Variants in PCCA observed in about 807,000 individuals in gnomAD.
PCCA encodes the protein propionyl-CoA carboxylase subunit alpha.
Under a neutral mutation model 101.3 loss-of-function variants are expected in PCCA, and 74 were observed. That is an observed-to-expected ratio of 0.73 (90% confidence interval 0.61 to 0.89). The LOEUF (loss-of-function observed/expected upper bound fraction) is 0.89, where lower values mean the gene tolerates loss of function less well. PCCA is among the 40% of genes least tolerant of loss of function. The probability of loss-of-function intolerance (pLI) is 0.00; values close to 1 mark genes in which losing one functional copy is unlikely to be tolerated. For synonymous variants in PCCA, 294 were observed against 313.6 expected, an observed-to-expected ratio of 0.94 and a Z score of 0.66; for missense variants, 891 against 907.0, an observed-to-expected ratio of 0.98 and a Z score of 0.23.
chr13:100,525,042 C>T lies in PCCA; in HGVS notation c.2041-2633C>T, dbSNP rs1456613033. The stretch of plus-strand genomic sequence containing the variant: ...ATAGATAGATAGACAGACAGACAGG[C>T]AGATAAGATAGATAGGATAGAGCTA... On this transcript the variant is annotated intron_variant, in intron 22 of 23. Coordinates refer to ENST00000376285, the MANE Select transcript of PCCA (RefSeq NM_000282.4). Among the ~76,000 whole-genome samples, 3 of 148,780 alleles carry T rather than the reference C, an allele frequency of 2.0e-5. No homozygotes were observed. In the East Asian group the frequency reaches 5.9e-4, roughly 29 times the overall value.
intron 6 of PCCA, among the ~76,000 whole-genome samples, chr13:100,200,141 G>A (rs956704834): frequency 6.6e-6 from 1 of 151,958 alleles, no homozygotes. Flanking sequence ...GTCTCACTCT[G>A]TCACCCAGGC....
intron 8 of PCCA, among the ~76,000 whole-genome samples, chr13:100,250,578 A>G (rs2061689923): frequency 6.6e-6 from 1 of 152,006 alleles, no homozygotes; most frequent in Admixed American, 6.6e-5. Context: ...TTATAATAGT[A>G]TTTGTAACAA....
At chr13:100,286,939 A>G (rs1047882081) in intron 12 of PCCA, among the ~76,000 whole-genome samples, 1 of 152,096 alleles carries the variant, frequency 6.6e-6, no homozygotes, top group African/African-American at 2.4e-5. Flanking sequence ...CAGGAGTGAC[A>G]TACTTAGGCT....
chr13:100,489,143 A>C (rs1302878648), intron 21 of PCCA, among the ~76,000 whole-genome samples: 1 of 141,558 alleles, frequency 7.1e-6, no homozygotes, highest in East Asian at 2.8e-4. Flanking sequence ...GTCTCTACTA[A>C]AAATACAAAA....
At chr13:100,139,526 A>G (rs2051605127) in intron 4 of PCCA, among the ~76,000 whole-genome samples, 1 of 151,326 alleles carries the variant, frequency 6.6e-6, no homozygotes, top group South Asian at 2.1e-4. Flanking sequence ...CCCATCCAGT[A>G]TGTTTTTTTT....
intron 19 of PCCA, among the ~76,000 whole-genome samples, chr13:100,414,927 A>T (rs1347778632): frequency 3.3e-5 from 5 of 152,196 alleles, no homozygotes; most frequent in Admixed American, 2.6e-4. Context: ...ATATCTTCAT[A>T]TTTAGATTAC....
chr13:100,317,840 G>A (rs1475293651), intron 16 of PCCA, among the ~76,000 whole-genome samples: 1 of 151,846 alleles, frequency 6.6e-6, no homozygotes, highest in South Asian at 2.1e-4. Context: ...CACCCACCTC[G>A]GTTTCCCAAA....
chr13:100,224,328 C>T (rs1249694886), intron 7 of PCCA, among the ~76,000 whole-genome samples: 1 of 152,238 alleles, frequency 6.6e-6, no homozygotes, highest in Non-Finnish European at 1.5e-5. Context: ...CCGGCAGGGC[C>T]AGCCGGCTGC....
intron 19 of PCCA, among the ~76,000 whole-genome samples, chr13:100,417,317 G>A (rs1171553487): frequency 6.6e-6 from 1 of 152,164 alleles, no homozygotes; most frequent in Non-Finnish European, 1.5e-5. Context: ...TTAGCATTTA[G>A]CCTTTAAGTG....
At chr13:100,416,966 C>T (rs1245984132) in intron 19 of PCCA, among the ~76,000 whole-genome samples, 1 of 152,114 alleles carries the variant, frequency 6.6e-6, no homozygotes, top group Non-Finnish European at 1.5e-5. Flanking sequence ...GCTTCAGCCT[C>T]CCGAGTAGCT....
At chr13:100,454,484 A>C (rs2760312) in intron 21 of PCCA, among the ~76,000 whole-genome samples, 3,230 of 152,328 alleles carry the variant, frequency 0.021, 123 homozygotes, top group African/African-American at 0.073. Flanking sequence ...CTGTTACAAC[A>C]AATACAGATT....
intron 6 of PCCA, among the ~76,000 whole-genome samples, chr13:100,199,151 G>A (rs377174112): frequency 6.6e-5 from 10 of 152,016 alleles, no homozygotes; most frequent in Non-Finnish European, 1.0e-4. Flanking sequence ...ATTATAGGGC[G>A]AACTATTTTG....
At chr13:100,097,548 C>T (rs2046880148) in intron 1 of PCCA, among the ~76,000 whole-genome samples, 1 of 152,050 alleles carries the variant, frequency 6.6e-6, no homozygotes, top group Non-Finnish European at 1.5e-5. Context: ...GAAGAAACCC[C>T]ATCTCTACTA....
At chr13:100,519,505 G>A (rs1258997932) in intron 22 of PCCA, among the ~76,000 whole-genome samples, 2 of 152,194 alleles carry the variant, frequency 1.3e-5, no homozygotes, top group African/African-American at 4.8e-5. Flanking sequence ...GCATCACATC[G>A]GTGGGCGTCG....
At chr13:100,421,265 T>C (rs2078729715) in intron 19 of PCCA, among the ~76,000 whole-genome samples, 1 of 152,172 alleles carries the variant, frequency 6.6e-6, no homozygotes, top group East Asian at 1.9e-4. Context: ...AAAGTCCAAA[T>C]GGATTTGTGG....
At chr13:100,345,390 C>T (rs2072025671) in intron 18 of PCCA, among the ~76,000 whole-genome samples, 1 of 152,068 alleles carries the variant, frequency 6.6e-6, no homozygotes, top group Non-Finnish European at 1.5e-5. Flanking sequence ...GATAGAAGAT[C>T]AAACCAGCCA....
rs2062759048 is a variant in PCCA at position 100,264,133 on chromosome 13, ATGG to A, written c.819+1304_819+1306del. 3.7e-5 allele frequency among the ~76,000 whole-genome samples: 2 copies of A among 53,368 alleles called. 1 individual carries two copies. The highest frequency in any genetic ancestry group is 9.2e-5 in the Non-Finnish European group (2 of 21,688). 35.0% of individuals were successfully genotyped at this position (53,368 alleles called of 152,430 possible). A position where few individuals can be genotyped will look rare whatever the true frequency, so the allele number is the denominator to read the frequency against. On this transcript the variant is annotated intron_variant, in intron 10 of 23. Transcript: ENST00000376285. ...TACGGTATCTGTATATCGTATATAT[ATGG>A]TATCTGTATATCGTATATATATGGT...
intron 21 of PCCA, among the ~76,000 whole-genome samples, chr13:100,470,941 A>G (rs2082965208): frequency 6.6e-6 from 1 of 152,218 alleles, no homozygotes; most frequent in African/African-American, 2.4e-5. Context: ...CTGGAGCAGC[A>G]CTTTTAATTT....
intron 9 of PCCA, among the ~76,000 whole-genome samples, chr13:100,258,487 A>T (rs1223082192): frequency 6.6e-6 from 1 of 152,192 alleles, no homozygotes; most frequent in Non-Finnish European, 1.5e-5. Flanking sequence ...GTGGACTTCA[A>T]TTTTTTTCTC....
Sources: gnomAD v4.1 joint callset for allele counts (sites outside exome capture counted in the v4.1 genomes callset) on GRCh38, gnomAD v4.1.1 for gene constraint, MANE v1.5 for transcripts, NCBI Gene and HGNC (gene_info 2026-07-23, HGNC 2026-07-21) for gene names.